The following NAV1 variants were observed in gnomAD, a reference collection of about 807,000 sequenced individuals.
The protein encoded by NAV1 is neuron navigator 1.
A neutral mutation model predicts 175.2 loss-of-function variants in NAV1; 18 were observed. The observed-to-expected ratio is 0.10, with a 90% CI of 0.07 to 0.15. The LOEUF is 0.15. Among genes scored for constraint, NAV1 ranks in the 10% least tolerant of loss-of-function variants. The pLI is 1.00. For synonymous variants in NAV1, 897 were observed against 978.7 expected (o/e 0.92, Z 1.56); for missense variants, 1,731 against 2,436.6 (o/e 0.71, Z 6.10).
intron 2 of NAV1, among the ~76,000 whole-genome samples, chr1:201,630,888 T>A (rs1336713418): frequency 6.6e-6 from 1 of 152,250 alleles, no homozygotes; most frequent in Non-Finnish European, 1.5e-5. Context: ...TAGAGCCTAA[T>A]GATCTCCATG....
intron 1 of NAV1, among the ~76,000 whole-genome samples, chr1:201,547,818 G>A (rs1457734671): frequency 2.6e-5 from 4 of 151,896 alleles, no homozygotes; most frequent in African/African-American, 4.8e-5. Context: ...TTTTTGAGAC[G>A]GAGTCTTGCT....
chr1:201,556,243 C>T (rs1002979866), intron 1 of NAV1, among the ~76,000 whole-genome samples: 1 of 151,968 alleles, frequency 6.6e-6, no homozygotes, highest in Non-Finnish European at 1.5e-5. Flanking sequence ...GAGTCCCCAT[C>T]TCTACAAAAA....
intron 3 of NAV1, among the ~76,000 whole-genome samples, chr1:201,742,257 T>C (rs1673472224): frequency 6.6e-6 from 1 of 152,128 alleles, no homozygotes; most frequent in South Asian, 2.1e-4. Flanking sequence ...AAAGAGATGC[T>C]TACCCTCCAG....
chr1:201,602,825 C>A (rs1343209950), intron 2 of NAV1, among the ~76,000 whole-genome samples: 1 of 152,036 alleles, frequency 6.6e-6, no homozygotes, highest in Non-Finnish European at 1.5e-5. Context: ...CTCCTGCTGA[C>A]TTTCACCAGT....
chr1:201,548,569 AT>A (rs763580322), intron 1 of NAV1, among the ~76,000 whole-genome samples: 1 of 152,236 alleles, frequency 6.6e-6, no homozygotes, highest in Non-Finnish European at 1.5e-5. Flanking sequence ...TCTTAAAAAA[AT>A]AAAAATAAAT....
chr1:201,747,237 C>A (rs567091413), intron 3 of NAV1, among the ~76,000 whole-genome samples: 78 of 152,306 alleles, frequency 5.1e-4, no homozygotes, highest in Middle Eastern at 3.4e-3. Flanking sequence ...CTAGTGCATG[C>A]ACACACGGTC....
chr1:201,599,827 T>C (rs958230042), intron 2 of NAV1, among the ~76,000 whole-genome samples: 2 of 152,158 alleles, frequency 1.3e-5, no homozygotes, highest in African/African-American at 4.8e-5. Flanking sequence ...TTAAGCACCA[T>C]AGGCATCTCC....
At chr1:201,759,467 A>G (rs1674709728) in intron 3 of NAV1, among the ~76,000 whole-genome samples, 3 of 152,220 alleles carry the variant, frequency 2.0e-5, no homozygotes, top group Admixed American at 1.3e-4. Context: ...GTGTTCATTA[A>G]TATCGTTTGG....
chr1:201,742,018 G>A (rs192936544), intron 3 of NAV1, among the ~76,000 whole-genome samples: 64 of 152,300 alleles, frequency 4.2e-4, no homozygotes, highest in Admixed American at 2.1e-3. Flanking sequence ...TTAGGCCTGT[G>A]GTTTCCTTTC....
intron 1 of NAV1, among the ~76,000 whole-genome samples, chr1:201,658,318 A>T (rs1020452939): frequency 6.6e-6 from 1 of 152,126 alleles, no homozygotes; most frequent in Non-Finnish European, 1.5e-5. Context: ...CATGCTGCGA[A>T]GAAGCCAGAA....
At chr1:201,669,995 T>C (rs1669973845) in intron 1 of NAV1, among the ~76,000 whole-genome samples, 1 of 152,026 alleles carries the variant, frequency 6.6e-6, no homozygotes, top group African/African-American at 2.4e-5. Flanking sequence ...TTTTAAAAAA[T>C]AAAAGTACTT....
At chr1:201,701,459 C>G (rs1041312170) in intron 1 of NAV1, among the ~76,000 whole-genome samples, 1 of 151,680 alleles carries the variant, frequency 6.6e-6, no homozygotes, top group African/African-American at 2.4e-5. Flanking sequence ...AATATTAGCA[C>G]AGACCAACTC....
chr1:201,739,801 C>A, intron 3 of NAV1: 1 of 1,226,004 alleles, frequency 8.2e-7, no homozygotes, highest in Non-Finnish European at 1.0e-6. Flanking sequence ...CAGAAGTCAG[C>A]GGCGGGGAAA....
chr1:201,684,284 T>C (rs1670583787), intron 1 of NAV1, among the ~76,000 whole-genome samples: 1 of 152,136 alleles, frequency 6.6e-6, no homozygotes, highest in African/African-American at 2.4e-5. Context: ...TTGCTATCAC[T>C]GTGGTGCATA....
chr1:201,803,720 T>C lies in NAV1; in HGVS notation c.3639+6T>C, dbSNP rs574123880. Reference sequence around the variant, plus strand: ...AGAAGAAAAAAAAGAGTTGGGTAGGTAAAGGTTTGGGGGGTGGGAAGTAGG... The same window carrying C: ...AGAAGAAAAAAAAGAGTTGGGTAGGCAAAGGTTTGGGGGGTGGGAAGTAGG... On this transcript the variant is annotated splice_donor_region_variant and intron_variant, in intron 16 of 29. Coordinates refer to ENST00000367296, the Ensembl canonical transcript of NAV1. The C allele has an allele frequency of 6.8e-7, 1 of 1,474,034 alleles. No individual in the cohort carries two copies. The highest frequency in any genetic ancestry group is 2.5e-5 in the African/African-American group (1 of 39,984). 91.3% of individuals were successfully genotyped at this position (1,474,034 alleles called of 1,614,324 possible).
At chr1:201,693,372 C>T (rs1357995842) in intron 1 of NAV1, among the ~76,000 whole-genome samples, 1 of 152,168 alleles carries the variant, frequency 6.6e-6, no homozygotes, top group African/African-American at 2.4e-5. Context: ...CTGCATTCTC[C>T]ATGGGAGGAG....
intron 1 of NAV1, among the ~76,000 whole-genome samples, chr1:201,579,764 G>C (rs1035210031): frequency 2.0e-5 from 3 of 152,182 alleles, no homozygotes; most frequent in Non-Finnish European, 4.4e-5. Flanking sequence ...ATAAGGAAAA[G>C]TACTTGTATT....
chr1:201,564,583 A>G (rs1666299618), intron 1 of NAV1, among the ~76,000 whole-genome samples: 2 of 152,260 alleles, frequency 1.3e-5, no homozygotes, highest in Admixed American at 1.3e-4. Context: ...AGATTGTGCC[A>G]CTGTACTCCA....
intron 1 of NAV1, among the ~76,000 whole-genome samples, chr1:201,702,763 C>T (rs141009727): frequency 8.7e-5 from 13 of 148,938 alleles, no homozygotes; most frequent in African/African-American, 3.3e-4. Flanking sequence ...CAATATTGGA[C>T]TATGCGCTCT....
Sources: allele counts gnomAD v4.1 joint callset (sites outside exome capture counted in the v4.1 genomes callset), GRCh38; gene constraint gnomAD v4.1.1; transcripts MANE v1.5; gene names NCBI Gene and HGNC (gene_info 2026-07-23, HGNC 2026-07-21).